Variants in NLGN4X observed in about 807,000 individuals in gnomAD.
NLGN4X encodes the protein neuroligin 4 X-linked, also known as neuroligin-4, X-linked.
Under a neutral mutation model 40.3 loss-of-function variants are expected in NLGN4X, and 3 were observed. The ratio of observed to expected loss-of-function variants is 0.07; its 90% CI spans 0.03 to 0.19. NLGN4X has a LOEUF of 0.19. Ranked by LOEUF, NLGN4X falls within the 10% of genes least tolerant of loss-of-function variation. The pLI, the probability that NLGN4X is intolerant of heterozygous loss-of-function variation, is 1.00. For missense variants in NLGN4X, 382 were observed against 708.3 expected, an observed-to-expected ratio of 0.54 and a Z score of 5.23; for synonymous variants, 270 against 306.8, an observed-to-expected ratio of 0.88 and a Z score of 1.25.
chrX:6,041,986 G>A (rs765290188), intron 2 of NLGN4X, among the ~76,000 whole-genome samples: 6 of 111,986 alleles, frequency 5.4e-5, no homozygotes, highest in South Asian at 3.7e-4. Flanking sequence ...AATTCATGAC[G>A]TGGCAATAAC....
chrX:6,053,323 G>C (rs1278158671), intron 2 of NLGN4X, among the ~76,000 whole-genome samples: 2 of 111,730 alleles, frequency 1.8e-5, no homozygotes, highest in Admixed American at 9.6e-5. Flanking sequence ...AATTCAAAGG[G>C]AACACAAATC....
intron 1 of NLGN4X, among the ~76,000 whole-genome samples, chrX:6,200,687 C>CTTTTTTTTTTTAT (rs1556005144): frequency 1.8e-5 from 1 of 55,558 alleles, no homozygotes. Flanking sequence ...CTTTCCTTTT[C>CTTTTTTTTTTTAT]TTTTTTTTTT....
intron 2 of NLGN4X, among the ~76,000 whole-genome samples, chrX:6,039,898 C>T (rs2037112750): frequency 9.0e-6 from 1 of 111,593 alleles, no homozygotes; most frequent in Non-Finnish European, 1.9e-5. Context: ...AGCAGTGCTG[C>T]GTATGGTTCT....
chrX:6,029,726 A>G (rs1212689400), intron 2 of NLGN4X, among the ~76,000 whole-genome samples: 1 of 112,012 alleles, frequency 8.9e-6, no homozygotes, highest in Non-Finnish European at 1.9e-5. Context: ...TAGGTAAAGT[A>G]CACATTTCCT....
At chrX:5,941,180 G>GGTGTGTGTGT (rs3220455) in intron 3 of NLGN4X, among the ~76,000 whole-genome samples, 13 of 58,615 alleles carry the variant, frequency 2.2e-4, no homozygotes, top group East Asian at 9.0e-4. Flanking sequence ...TATGCTAGGG[G>GGTGTGTGTGT]GTGTGTGTGT....
chrX:5,974,668 T>C (rs1465813400), intron 3 of NLGN4X, among the ~76,000 whole-genome samples: 1 of 110,927 alleles, frequency 9.0e-6, no homozygotes, highest in Non-Finnish European at 1.9e-5. Context: ...ACACAGACAA[T>C]AGGAGTCCTC....
At chrX:6,130,428 C>A (rs1050104973) in intron 2 of NLGN4X, among the ~76,000 whole-genome samples, 3 of 111,717 alleles carry the variant, frequency 2.7e-5, no homozygotes, top group Non-Finnish European at 5.6e-5. Flanking sequence ...ATTTTGACAC[C>A]AACCTTTCCT....
At chrX:6,145,683 G>T (rs1464819300) in intron 2 of NLGN4X, among the ~76,000 whole-genome samples, 2 of 111,600 alleles carry the variant, frequency 1.8e-5, no homozygotes, top group African/African-American at 6.6e-5. Context: ...ATCTATAAAA[G>T]AAGCGAATAC....
At chrX:6,051,753 G>A (rs982387614) in intron 2 of NLGN4X, among the ~76,000 whole-genome samples, 3 of 110,651 alleles carry the variant, frequency 2.7e-5, no homozygotes, top group Non-Finnish European at 5.7e-5. Flanking sequence ...AGAAACCCTA[G>A]GAAGTTTATA....
At chrX:6,192,024 C>T (rs933446922) in intron 1 of NLGN4X, among the ~76,000 whole-genome samples, 1 of 111,945 alleles carries the variant, frequency 8.9e-6, no homozygotes, top group African/African-American at 3.2e-5. Flanking sequence ...CATTCATGCT[C>T]ATCCAATGGG....
intron 2 of NLGN4X, among the ~76,000 whole-genome samples, chrX:6,075,743 C>A (rs2038179114): frequency 9.0e-6 from 1 of 111,299 alleles, no homozygotes; most frequent in Admixed American, 9.5e-5. Flanking sequence ...GTGATCTTTG[C>A]ATACACCAGC....
Position 5,968,438 on chromosome X carries a change from C to T in NLGN4X, c.626-59199G>A, listed in dbSNP as rs184477983. 5.6e-3 allele frequency among the ~76,000 whole-genome samples: 85 copies of T among 15,064 alleles called. 3 individuals are homozygous for T. The highest frequency in any genetic ancestry group is 0.026 in the African/African-American group (78 of 3,021). 13.1% of individuals were successfully genotyped at this position (15,064 alleles called of 115,157 possible). On this transcript the variant is annotated intron_variant, in intron 3 of 5. Transcript: ENST00000381095. ...ATGGCTGTCTTTGATTGTAAGTACC[C>T]CTCTCTCTCTCTCTCTCTCTGTGTG...
At chrX:6,197,510 G>A (rs1923220813) in intron 1 of NLGN4X, among the ~76,000 whole-genome samples, 1 of 108,222 alleles carries the variant, frequency 9.2e-6, no homozygotes, top group Admixed American at 9.9e-5. Context: ...GAAGCAAGCG[G>A]TTGGTGCCTG....
intron 2 of NLGN4X, among the ~76,000 whole-genome samples, chrX:6,134,310 T>C (rs536549630): frequency 8.9e-6 from 1 of 112,065 alleles, no homozygotes; most frequent in African/African-American, 3.2e-5. Flanking sequence ...AATGTCAGGC[T>C]GTGGACTTCA....
intron 1 of NLGN4X, among the ~76,000 whole-genome samples, chrX:6,171,902 C>G (rs972795825): frequency 9.0e-6 from 1 of 111,025 alleles, no homozygotes; most frequent in Non-Finnish European, 1.9e-5. Flanking sequence ...GTACACACCC[C>G]TTGGTACTGT....
At chrX:5,907,419 C>T (rs1309467423) in intron 4 of NLGN4X, among the ~76,000 whole-genome samples, 1 of 111,600 alleles carries the variant, frequency 9.0e-6, no homozygotes, top group Non-Finnish European at 1.9e-5. Flanking sequence ...GAGTGAGCCT[C>T]CGGGGAAAGC....
chrX:6,172,065 C>T (rs1381643686), intron 1 of NLGN4X, among the ~76,000 whole-genome samples: 8 of 111,852 alleles, frequency 7.2e-5, no homozygotes, highest in Non-Finnish European at 1.3e-4. Flanking sequence ...CCAGGAGCCG[C>T]CATGCTTCCT....
chrX:6,082,657 T>C (rs1451295181), intron 2 of NLGN4X, among the ~76,000 whole-genome samples: 1 of 111,160 alleles, frequency 9.0e-6, no homozygotes, highest in Non-Finnish European at 1.9e-5. Context: ...ATAAAATCTT[T>C]TTCACTGGGC....
intron 3 of NLGN4X, among the ~76,000 whole-genome samples, chrX:6,005,578 C>T (rs1275034828): frequency 9.0e-6 from 1 of 111,076 alleles, no homozygotes; most frequent in African/African-American, 3.3e-5. Flanking sequence ...GAAGAAGAAG[C>T]CTCAACGTCT....
Sources: allele counts gnomAD v4.1 joint callset (sites outside exome capture counted in the v4.1 genomes callset), GRCh38; gene constraint gnomAD v4.1.1; transcripts MANE v1.5; gene names NCBI Gene and HGNC (gene_info 2026-07-23, HGNC 2026-07-21).